The following LYPD6 variants were observed in gnomAD, a reference collection of about 807,000 sequenced individuals.
LYPD6 encodes the protein ly6/PLAUR domain-containing protein 6.
Under a neutral mutation model 22.7 loss-of-function variants are expected in LYPD6, and 15 were observed. That is an observed-to-expected ratio of 0.66 (90% CI 0.44 to 1.02). The LOEUF is 1.02. Ranked by LOEUF, LYPD6 falls within the 50% of genes least tolerant of loss-of-function variation. LYPD6 has a pLI of 0.00. For missense variants in LYPD6, 189 were observed against 208.4 expected (o/e 0.91, Z 0.57); for synonymous variants, 72 against 77.5 (o/e 0.93, Z 0.37).
intron 1 of LYPD6, among the ~76,000 whole-genome samples, chr2:149,421,333 T>C (rs1305120670): frequency 1.4e-5 from 2 of 140,890 alleles, no homozygotes; most frequent in Non-Finnish European, 3.0e-5. Flanking sequence ...GAAGTTGCAG[T>C]GAGCTGAGAT....
At chr2:149,381,820 C>T (rs1682072471) in intron 1 of LYPD6, among the ~76,000 whole-genome samples, 1 of 152,152 alleles carries the variant, frequency 6.6e-6, no homozygotes, top group African/African-American at 2.4e-5. Context: ...AGCTTGAAGT[C>T]AAAGTGTGGA....
chr2:149,442,222 C>T (rs1683584055), intron 2 of LYPD6, among the ~76,000 whole-genome samples: 1 of 152,130 alleles, frequency 6.6e-6, no homozygotes, highest in African/African-American at 2.4e-5. Context: ...GGATGCATTA[C>T]ACATCAGCAT....
At chr2:149,463,045 T>C (rs1194263339) in intron 3 of LYPD6, among the ~76,000 whole-genome samples, 2 of 152,036 alleles carry the variant, frequency 1.3e-5, no homozygotes, top group Non-Finnish European at 2.9e-5. Context: ...AAATTAGACT[T>C]CATCAAAATT....
downstream of LYPD6, among the ~76,000 whole-genome samples, chr2:149,476,437 G>T (rs946327352): frequency 2.6e-5 from 4 of 152,132 alleles, no homozygotes; most frequent in Admixed American, 1.3e-4. Context: ...TTTTCTCGGG[G>T]TTTATGGCAT....
chr2:149,470,847 A>G lies in LYPD6; in HGVS notation c.513A>G (p.Leu171=), dbSNP rs1323279607. The change falls in exon 5 of 5, where the codon TTA becomes TTG. Residue 171 remains leucine, a synonymous_variant. Transcript: ENST00000334166. The part of the protein sequence containing the change: ...SCLWLWLGLM[L] ...TGTGGTTGTGGTTAGGGCTCATGTT[A>G]TAGTGGCTCAGTGGCTCCATGTGTT... is the stretch of plus-strand genomic sequence containing the variant. The G allele has an allele frequency of 6.2e-7, 1 of 1,611,082 alleles. No homozygotes were observed. Among genetic ancestry groups the G allele is most frequent in the Non-Finnish European group, 8.5e-7 (1 of 1,177,828 alleles).
chr2:149,365,214 A>T (rs950161668), intron 1 of LYPD6, among the ~76,000 whole-genome samples: 1 of 152,220 alleles, frequency 6.6e-6, no homozygotes, highest in Non-Finnish European at 1.5e-5. Flanking sequence ...GGATGATGTT[A>T]CCTTTCAACT....
chr2:149,451,155 G>A (rs138189377), intron 3 of LYPD6, among the ~76,000 whole-genome samples: 1 of 152,134 alleles, frequency 6.6e-6, no homozygotes, highest in East Asian at 1.9e-4. Context: ...GGTTCTAGAA[G>A]GGCATAGACT....
intron 1 of LYPD6, among the ~76,000 whole-genome samples, chr2:149,342,446 T>C (rs1013757821): frequency 3.9e-5 from 6 of 152,240 alleles, no homozygotes; most frequent in African/African-American, 1.4e-4. Flanking sequence ...TCTTTTTCTC[T>C]GTGTCACATG....
chr2:149,371,748 G>C (rs189230303), intron 1 of LYPD6, among the ~76,000 whole-genome samples: 1 of 152,210 alleles, frequency 6.6e-6, no homozygotes, highest in South Asian at 2.1e-4. Flanking sequence ...TGTGCTACCA[G>C]AGGATGCAGA....
chr2:149,484,959 C>G, the LYPD6 span, among the ~76,000 whole-genome samples: 1 of 152,188 alleles, frequency 6.6e-6, no homozygotes, highest in Non-Finnish European at 1.5e-5. Context: ...TTAGCAATCT[C>G]ACAACATCTA....
chr2:149,347,205 A>G lies in LYPD6; in HGVS notation c.-72+16483A>G, dbSNP rs140953501. On this transcript the variant is annotated intron_variant, in intron 1 of 4. Transcript: ENST00000334166. ...AGGAGGAGGTGGAGGAAGAAGAGAG[A>G]AGAGAGAGAAGCAAGTTCTTCTATG... 7.4e-3 allele frequency among the ~76,000 whole-genome samples: 1,119 copies of G among 152,174 alleles called. 14 individuals carry two copies. The highest frequency in any genetic ancestry group is 0.023 in the African/African-American group (967 of 41,514).
chr2:149,457,426 C>T (rs1040279271), intron 3 of LYPD6, among the ~76,000 whole-genome samples: 5 of 152,024 alleles, frequency 3.3e-5, no homozygotes, highest in African/African-American at 4.8e-5. Flanking sequence ...TGTGCAATGC[C>T]CTGTGTTATA....
rs868144262 is a variant in LYPD6, at chr2:149,448,993, A to G, written c.119-56A>G. 4.6e-6 allele frequency: 6 copies of G among 1,312,618 alleles called. 1 individual carries two copies. In the Middle Eastern group the frequency reaches 9.4e-4, roughly 206 times the overall value. 81.3% of individuals were successfully genotyped at this position (1,312,618 alleles called of 1,614,324 possible). On this transcript the variant is annotated intron_variant, in intron 2 of 4. Transcript: ENST00000334166. ...AAAATAATGAAAATGTCTTAACTTC[A>G]CAGGATTCTGTGCCTTGTCTAAAAA...
chr2:149,441,499 T>C (rs1044245906), intron 2 of LYPD6, among the ~76,000 whole-genome samples: 2 of 152,236 alleles, frequency 1.3e-5, no homozygotes, highest in Non-Finnish European at 1.5e-5. Flanking sequence ...CAGCCTCTCA[T>C]GACTCATCTT....
At chr2:149,476,376 A>T (rs1681450317), downstream of LYPD6, among the ~76,000 whole-genome samples, 1 of 152,182 alleles carries the variant, frequency 6.6e-6, no homozygotes, top group African/African-American at 2.4e-5. Flanking sequence ...CATGGCCTAA[A>T]AAGGTAGAAT....
chr2:149,474,282 A>G (rs1300311002), downstream of LYPD6: 1 of 151,970 alleles, frequency 6.6e-6, no homozygotes, highest in Admixed American at 6.6e-5. Context: ...CTGGAGCCTC[A>G]AACTCCTGGG....
chr2:149,460,763 A>C (rs907248549), intron 3 of LYPD6, among the ~76,000 whole-genome samples: 1 of 152,130 alleles, frequency 6.6e-6, no homozygotes, highest in Non-Finnish European at 1.5e-5. Context: ...CAAACTTTTA[A>C]AAATTGAAAT....
chr2:149,450,074 A>G (rs984717791), intron 3 of LYPD6, among the ~76,000 whole-genome samples: 2 of 152,222 alleles, frequency 1.3e-5, no homozygotes, highest in African/African-American at 4.8e-5. Context: ...CAACTATCCA[A>G]GCTAGTACTC....
At chr2:149,398,288 A>G (rs1240925610) in intron 1 of LYPD6, among the ~76,000 whole-genome samples, 1 of 151,402 alleles carries the variant, frequency 6.6e-6, no homozygotes, top group Non-Finnish European at 1.5e-5. Context: ...TTTCTCTATT[A>G]TTTGCTTGGC....
Sources: allele counts gnomAD v4.1 joint callset (sites outside exome capture counted in the v4.1 genomes callset), GRCh38; gene constraint gnomAD v4.1.1; transcripts MANE v1.5; gene names NCBI Gene and HGNC (gene_info 2026-07-23, HGNC 2026-07-21).